Variants in ERBB4 observed in about 807,000 individuals in gnomAD.
The protein encoded by ERBB4 is erb-b2 receptor tyrosine kinase 4.
ERBB4 carries 42 observed loss-of-function variants against 158.0 expected under a neutral mutation model. The observed-to-expected ratio is 0.27, with a 90% confidence interval of 0.21 to 0.34. ERBB4 has a LOEUF of 0.34. Ranked by LOEUF, ERBB4 falls within the 10% of genes least tolerant of loss-of-function variation. The probability of loss-of-function intolerance (pLI) is 1.00; values close to 1 mark genes in which losing one functional copy is unlikely to be tolerated. For synonymous variants in ERBB4, 583 were observed against 558.7 expected, an observed-to-expected ratio of 1.04 and a Z score of -0.61; for missense variants, 1,333 against 1,624.1, an observed-to-expected ratio of 0.82 and a Z score of 3.08.
rs939615748 is a variant in ERBB4, at chr2:211,496,538, TA to T, written c.2487+65364del. On this transcript the variant is annotated intron_variant, in intron 20 of 27. Coordinates refer to ENST00000342788, the MANE Select transcript of ERBB4 (RefSeq NM_005235.3). ...ACATACCTTCTTCTCAAATTTCTCC[TA>T]AAAAAAAAAAAATCCAAATGATGAC... Among the ~76,000 whole-genome samples, 820 of 142,786 alleles carry T rather than the reference TA, an allele frequency of 5.7e-3. 1 individual carries two copies. The highest frequency in any genetic ancestry group is 0.011 in the Middle Eastern group (3 of 274). 93.7% of individuals were successfully genotyped at this position (142,786 alleles called of 152,430 possible). A position where few individuals can be genotyped will look rare whatever the true frequency, so the allele number is the denominator to read the frequency against.
At chr2:211,977,856 C>T (rs1559232645) in intron 2 of ERBB4, among the ~76,000 whole-genome samples, 1 of 53,068 alleles carries the variant, frequency 1.9e-5, no homozygotes, top group African/African-American at 4.3e-5. Flanking sequence ...GAAACTCCGT[C>T]TCAAAAAAAA....
intron 13 of ERBB4, among the ~76,000 whole-genome samples, chr2:211,677,576 T>C (rs1423698872): frequency 7.1e-6 from 1 of 141,308 alleles, no homozygotes; most frequent in African/African-American, 2.7e-5. Context: ...AAAAAATAAA[T>C]TAAAAAAAAA....
chr2:212,318,043 G>A (rs1364229151), intron 1 of ERBB4, among the ~76,000 whole-genome samples: 1 of 151,578 alleles, frequency 6.6e-6, no homozygotes, highest in East Asian at 2.0e-4. Context: ...GCTTGATCCA[G>A]ATAGCCATAG....
chr2:212,349,213 A>T lies in ERBB4; in HGVS notation c.82+189236T>A, dbSNP rs141251960. Among the ~76,000 whole-genome samples, 463 of 151,970 alleles carry T rather than the reference A, an allele frequency of 3.0e-3. 1 individual carries two copies. The highest frequency in any genetic ancestry group is 0.027 in the Middle Eastern group (8 of 294). On this transcript the variant is annotated intron_variant, in intron 1 of 27. Transcript: ENST00000342788. ...AGGTTTTATACCTGGGCTGTTAATC[A>T]CTAGTCACATGTGGTATCTAAATTC... is the stretch of plus-strand genomic sequence containing the variant.
At chr2:211,886,681 G>C (rs1230602166) in intron 3 of ERBB4, among the ~76,000 whole-genome samples, 1 of 152,152 alleles carries the variant, frequency 6.6e-6, no homozygotes, top group Non-Finnish European at 1.5e-5. Flanking sequence ...TTTCTTAGGG[G>C]CATGTAAACA....
intron 2 of ERBB4, among the ~76,000 whole-genome samples, chr2:212,026,418 C>G (rs1415736310): frequency 1.3e-5 from 2 of 151,634 alleles, no homozygotes; most frequent in Admixed American, 6.6e-5. Flanking sequence ...GATACCAGAA[C>G]CTCTATAACT....
intron 16 of ERBB4, among the ~76,000 whole-genome samples, chr2:211,644,667 C>A (rs1338592524): frequency 6.6e-6 from 1 of 151,994 alleles, no homozygotes; most frequent in South Asian, 2.1e-4. Flanking sequence ...ATTGTGTATA[C>A]TATTAACAAT....
At chr2:212,172,737 C>T (rs1331133565) in intron 1 of ERBB4, among the ~76,000 whole-genome samples, 1 of 151,762 alleles carries the variant, frequency 6.6e-6, no homozygotes, top group African/African-American at 2.4e-5. Flanking sequence ...ATGATGAGAA[C>T]ACATGGACAA....
chr2:211,750,532 G>A (rs2075101434), intron 5 of ERBB4, 107 bp downstream of exon 5: 4 of 939,230 alleles, frequency 4.3e-6, no homozygotes, highest in Admixed American at 1.8e-5. Flanking sequence ...ACCACAAGGA[G>A]GTGATAGCTC....
intron 1 of ERBB4, among the ~76,000 whole-genome samples, chr2:212,296,406 A>G (rs576784958): frequency 6.6e-6 from 1 of 152,186 alleles, no homozygotes; most frequent in Non-Finnish European, 1.5e-5. Flanking sequence ...ATCTAAAAAA[A>G]AAAGACATTG....
intron 1 of ERBB4, among the ~76,000 whole-genome samples, chr2:212,361,684 T>C (rs2089692226): frequency 1.3e-5 from 2 of 151,706 alleles, no homozygotes; most frequent in Admixed American, 1.3e-4. Context: ...TGAACTACTG[T>C]CATTTTGAAA....
At chr2:211,573,198 C>T (rs141679714) in intron 19 of ERBB4, among the ~76,000 whole-genome samples, 2 of 152,172 alleles carry the variant, frequency 1.3e-5, no homozygotes, top group East Asian at 3.9e-4. Context: ...TAGAGTGATG[C>T]CCCCACAAGC....
intron 2 of ERBB4, among the ~76,000 whole-genome samples, chr2:212,065,013 GTGTGTGTGTGTGTGT>G (rs1220260900): frequency 6.6e-6 from 1 of 150,848 alleles, no homozygotes; most frequent in Non-Finnish European, 1.5e-5. Context: ...GTGTGTGTGT[GTGTGTGTGTGTGTGT>G]TGTGTGTGTG....
chr2:211,569,816 A>C (rs900174837), intron 19 of ERBB4, among the ~76,000 whole-genome samples: 1 of 152,162 alleles, frequency 6.6e-6, no homozygotes, highest in Non-Finnish European at 1.5e-5. Context: ...TGCAGTCATA[A>C]AGGGTTTAAG....
chr2:212,433,179 G>A (rs996452248), intron 1 of ERBB4, among the ~76,000 whole-genome samples: 1 of 152,030 alleles, frequency 6.6e-6, no homozygotes, highest in South Asian at 2.1e-4. Context: ...TTCATTTGTA[G>A]ATAGAGTAGC....
intron 20 of ERBB4, among the ~76,000 whole-genome samples, chr2:211,516,102 G>C (rs897598927): frequency 1.3e-5 from 2 of 149,768 alleles, no homozygotes; most frequent in African/African-American, 2.5e-5. Flanking sequence ...TTTTTTAGTA[G>C]AGACGGGGTT....
At chr2:211,647,603 C>A (rs995782524) in intron 16 of ERBB4, among the ~76,000 whole-genome samples, 1 of 151,590 alleles carries the variant, frequency 6.6e-6, no homozygotes, top group Admixed American at 6.6e-5. Flanking sequence ...AGTTTCTTAT[C>A]CCAATTCCTT....
chr2:211,570,287 G>T (rs1171566922), intron 19 of ERBB4, among the ~76,000 whole-genome samples: 1 of 146,160 alleles, frequency 6.8e-6, no homozygotes, highest in African/African-American at 2.5e-5. Context: ...GAGTAGATGT[G>T]ATTACAGGCA....
At chr2:211,526,867 G>A (rs970835718) in intron 20 of ERBB4, among the ~76,000 whole-genome samples, 1 of 152,076 alleles carries the variant, frequency 6.6e-6, no homozygotes, top group Non-Finnish European at 1.5e-5. Context: ...TAGTGAGCTT[G>A]AAGACACACT....
Sources: allele counts gnomAD v4.1 joint callset (sites outside exome capture counted in the v4.1 genomes callset), GRCh38; gene constraint gnomAD v4.1.1; transcripts MANE v1.5; gene names NCBI Gene and HGNC (gene_info 2026-07-23, HGNC 2026-07-21).